The following GRIK2 variants were observed in gnomAD, a reference collection of about 807,000 sequenced individuals.
GRIK2 encodes the protein glutamate ionotropic receptor kainate type subunit 2.
Under a neutral mutation model 100.3 loss-of-function variants are expected in GRIK2, and 32 were observed. The ratio of observed to expected loss-of-function variants is 0.32; its 90% CI spans 0.24 to 0.43. The LOEUF (loss-of-function observed/expected upper bound fraction) is 0.43, where lower values mean the gene tolerates loss of function less well. GRIK2 is among the 20% of genes least tolerant of loss of function. The pLI is 1.00. For synonymous variants in GRIK2, 417 were observed against 389.4 expected, an observed-to-expected ratio of 1.07 and a Z score of -0.83; for missense variants, 843 against 1,114.9, an observed-to-expected ratio of 0.76 and a Z score of 3.47.
chr6:101,468,777 T>A (rs1438189100), intron 2 of GRIK2, among the ~76,000 whole-genome samples: 1 of 152,064 alleles, frequency 6.6e-6, no homozygotes, highest in Non-Finnish European at 1.5e-5. Context: ...GAAGTAATAG[T>A]TTACTTAAAA....
intron 4 of GRIK2, among the ~76,000 whole-genome samples, chr6:101,643,186 G>A (rs74903652): frequency 0.013 from 1,935 of 151,312 alleles, 45 homozygotes; most frequent in African/African-American, 0.045. Context: ...GCTTTTTCAC[G>A]TTGTTGGTTG....
chr6:101,454,612 G>T (rs1350050753), intron 2 of GRIK2, among the ~76,000 whole-genome samples: 1 of 152,106 alleles, frequency 6.6e-6, no homozygotes, highest in Non-Finnish European at 1.5e-5. Flanking sequence ...CCTATACTGA[G>T]ATTTTTTTTA....
intron 2 of GRIK2, among the ~76,000 whole-genome samples, chr6:101,601,188 A>G (rs1779195957): frequency 1.3e-5 from 2 of 148,182 alleles, no homozygotes; most frequent in Non-Finnish European, 3.0e-5. Context: ...GTGTCTGTTG[A>G]GATTACATGG....
At chr6:101,796,030 G>A (rs1780280520) in intron 7 of GRIK2, among the ~76,000 whole-genome samples, 4 of 152,134 alleles carry the variant, frequency 2.6e-5, no homozygotes. Context: ...GTTACATTGT[G>A]TAACTACAAA....
At chr6:101,986,615 T>C (rs1794029839) in intron 14 of GRIK2, among the ~76,000 whole-genome samples, 1 of 151,924 alleles carries the variant, frequency 6.6e-6, no homozygotes. Context: ...ACTCATATTT[T>C]CAGTTTTGTT....
intron 2 of GRIK2, among the ~76,000 whole-genome samples, chr6:101,570,967 TTTC>T (rs1241352188): frequency 1.3e-5 from 2 of 152,184 alleles, no homozygotes; most frequent in Non-Finnish European, 2.9e-5. Flanking sequence ...TTAATCTTGT[TTTC>T]TTCTTCTAGC....
At chr6:101,729,898 G>A (rs537391171) in intron 7 of GRIK2, among the ~76,000 whole-genome samples, 2 of 151,922 alleles carry the variant, frequency 1.3e-5, no homozygotes, top group East Asian at 1.9e-4. Context: ...AAAACCACAG[G>A]CATTATCTAT....
intron 2 of GRIK2, among the ~76,000 whole-genome samples, chr6:101,508,251 C>A (rs1554211375): frequency 6.6e-6 from 1 of 152,014 alleles, no homozygotes. Flanking sequence ...TCCCACACTA[C>A]CTGTCAGGTA....
intron 12 of GRIK2, among the ~76,000 whole-genome samples, chr6:101,917,903 GA>G (rs200202817): frequency 4.9e-4 from 72 of 146,862 alleles, no homozygotes; most frequent in African/African-American, 1.1e-3. Flanking sequence ...AGTATGTAAT[GA>G]AAAAAAAAAC....
rs118085318 is a variant in GRIK2 at position 101,795,695 on chromosome 6, C to T, written c.952-3953C>T. 7.9e-5 allele frequency among the ~76,000 whole-genome samples: 12 copies of T among 152,308 alleles called. No homozygotes were observed. The East Asian group carries it at 2.3e-3, about 30-fold the overall frequency. Reference sequence around the variant, plus strand: ...GCAACAGGCTGGATGGACCAGCCCTCAGGAGAAGTGCACGGACACCAGCAG... The same window carrying T: ...GCAACAGGCTGGATGGACCAGCCCTTAGGAGAAGTGCACGGACACCAGCAG... On this transcript the variant is annotated intron_variant, in intron 7 of 16. Coordinates refer to ENST00000369134, the MANE Select transcript of GRIK2 (RefSeq NM_021956.5).
chr6:101,848,924 G>T (rs897602086), intron 10 of GRIK2, among the ~76,000 whole-genome samples: 1 of 151,816 alleles, frequency 6.6e-6, no homozygotes, highest in South Asian at 2.1e-4. Flanking sequence ...TTCTTTGTAA[G>T]CATTAGTTAT....
intron 2 of GRIK2, among the ~76,000 whole-genome samples, chr6:101,494,971 T>TTTTATATATATA (rs1554209024): frequency 8.3e-4 from 90 of 107,952 alleles, no homozygotes; most frequent in African/African-American, 3.0e-3. Flanking sequence ...ATATATGCAT[T>TTTTATATATATA]TATATATATA....
chr6:101,785,398 A>G (rs12211757), intron 7 of GRIK2, among the ~76,000 whole-genome samples: 20,063 of 152,106 alleles, frequency 0.13, 1,428 homozygotes, highest in Admixed American at 0.2. Flanking sequence ...TGCCTAGACC[A>G]ATGTCCTAGA....
At chr6:101,900,454 GCAA>G (rs974581318) in intron 12 of GRIK2, among the ~76,000 whole-genome samples, 3 of 152,006 alleles carry the variant, frequency 2.0e-5, no homozygotes, top group South Asian at 2.1e-4. Flanking sequence ...TCCAGCCTGG[GCAA>G]CAACAACAAC....
At chr6:101,770,384 T>C (rs1177773032) in intron 7 of GRIK2, among the ~76,000 whole-genome samples, 3 of 152,170 alleles carry the variant, frequency 2.0e-5, no homozygotes, top group Non-Finnish European at 4.4e-5. Context: ...ATCAAACTGT[T>C]ATTTTTCCTG....
intron 2 of GRIK2, among the ~76,000 whole-genome samples, chr6:101,541,636 A>G (rs1272443272): frequency 6.6e-6 from 1 of 152,094 alleles, no homozygotes; most frequent in East Asian, 1.9e-4. Context: ...TGTGTAGTAC[A>G]TATTTTGTTA....
At chr6:101,560,862 C>T (rs1776976881) in intron 2 of GRIK2, among the ~76,000 whole-genome samples, 1 of 152,170 alleles carries the variant, frequency 6.6e-6, no homozygotes, top group Non-Finnish European at 1.5e-5. Context: ...TTCTCATCAT[C>T]ACTGTGCTAG....
intron 2 of GRIK2, among the ~76,000 whole-genome samples, chr6:101,463,904 C>A (rs201240871): frequency 6.6e-6 from 1 of 152,020 alleles, no homozygotes; most frequent in East Asian, 1.9e-4. Context: ...TTAAAGGATG[C>A]AAAGTATTGT....
In GRIK2 at chr6:101,601,503, G is replaced by A. The variant is rs9498639; in HGVS notation, c.116-20446G>A. Among the ~76,000 whole-genome samples the A allele has an allele frequency of 3.2e-3, 491 of 152,064 alleles. 6 individuals are homozygous for A. Among genetic ancestry groups the A allele is most frequent in the African/African-American group, 0.012 (483 of 41,538 alleles). On this transcript the variant is annotated intron_variant, in intron 2 of 16. Coordinates refer to ENST00000369134, the MANE Select transcript of GRIK2 (RefSeq NM_021956.5). ...TTGATGTTTTGGAATAGTTCTGGTA[G>A]AATTAGTACCAGCCCTTCTTTTTAC...
Sources: allele counts gnomAD v4.1 joint callset (sites outside exome capture counted in the v4.1 genomes callset), GRCh38; gene constraint gnomAD v4.1.1; transcripts MANE v1.5; gene names NCBI Gene and HGNC (gene_info 2026-07-23, HGNC 2026-07-21).